LSM1: variants seen among roughly 807,000 people sequenced by gnomAD.
LSM1 encodes the protein U6 snRNA-associated Sm-like protein LSm1.
LSM1 carries 13 observed loss-of-function variants against 18.0 expected under a neutral mutation model. That is an observed-to-expected ratio of 0.72 (90% CI 0.47 to 1.15). The LOEUF (loss-of-function observed/expected upper bound fraction) is 1.15. Ranked by LOEUF, LSM1 falls within the 50% of genes most tolerant of loss-of-function variation. The pLI, the probability that LSM1 is intolerant of heterozygous loss-of-function variation, is 0.00. For missense variants in LSM1, 152 were observed against 157.7 expected, an observed-to-expected ratio of 0.96 and a Z score of 0.19; for synonymous variants, 46 against 56.0, an observed-to-expected ratio of 0.82 and a Z score of 0.80.
intron 2 of LSM1, among the ~76,000 whole-genome samples, chr8:38,171,667 A>AAAAAC (rs1406458311): frequency 9.2e-5 from 14 of 152,328 alleles, no homozygotes; most frequent in African/African-American, 2.2e-4. Context: ...CGTCTAAACA[A>AAAAAC]AAAACAAAAC....
At position 38,171,268 on chromosome 8, in the gene LSM1, C is replaced by T. The variant is rs11998075; in HGVS notation, c.115+697G>A. 7.5e-3 allele frequency among the ~76,000 whole-genome samples: 1,142 copies of T among 152,298 alleles called. 18 individuals carry two copies. Among genetic ancestry groups the T allele is most frequent in the African/African-American group, 0.026 (1,080 of 41,566 alleles). On this transcript the variant is annotated intron_variant, in intron 2 of 3. Transcript: ENST00000311351. Reference sequence around the variant, plus strand: ...CAGCCTTGGGCCGGGCACAATGGCTCGCGCCTATAATCTCAGCACTATGGG... The same window carrying T: ...CAGCCTTGGGCCGGGCACAATGGCTTGCGCCTATAATCTCAGCACTATGGG...
chr8:38,168,048 G>A (rs1209327869), intron 3 of LSM1, among the ~76,000 whole-genome samples: 2 of 150,652 alleles, frequency 1.3e-5, no homozygotes, highest in Non-Finnish European at 3.0e-5. Flanking sequence ...TGCAAGCTCC[G>A]CCTCCTGGGT....
At chr8:38,167,547 T>C (rs1411725730) in intron 3 of LSM1, among the ~76,000 whole-genome samples, 1 of 152,172 alleles carries the variant, frequency 6.6e-6, no homozygotes, top group Non-Finnish European at 1.5e-5. Flanking sequence ...TTTGGCCATG[T>C]TGCCCAGGCT....
rs1156237241 is a variant in LSM1 at position 38,163,736 on chromosome 8, C to G, written c.336G>C (p.Leu112Phe). Residue 112 changes from leucine to phenylalanine, a missense_variant, in exon 4 of 4, where the codon TTG becomes TTC. Transcript: ENST00000311351. ...CTCGGTCCTTCAGGGCCTGCACTTT[C>G]AACTTCTCTGCTTCCAGCTTGGTCT... ...EQQTKLEAEKLKVQALKDRGL... is the reference protein window; with the variant it reads ...EQQTKLEAEKFKVQALKDRGL... 9.3e-6 allele frequency: 15 copies of G among 1,614,068 alleles called. No individual in the cohort carries two copies. Among genetic ancestry groups the G allele is most frequent in the Non-Finnish European group, 1.2e-5 (14 of 1,180,042 alleles).
chr8:38,176,199 G>T, intron 1 of LSM1, 76 bp downstream of exon 1: 1 of 1,293,540 alleles, frequency 7.7e-7, no homozygotes, highest in Non-Finnish European at 1.1e-6. Flanking sequence ...CATTCTACAA[G>T]CTTCTTCGGA....
At position 38,176,411 on chromosome 8, in the gene LSM1, G is replaced by C. The variant is rs1181122476; in HGVS notation, c.-91C>G. The C allele has an allele frequency of 5.8e-6, 6 of 1,038,988 alleles. No homozygotes were observed. The highest frequency in any genetic ancestry group is 8.7e-6 in the Non-Finnish European group (6 of 693,504). The allele number at this position is 1,038,988 out of a possible 1,614,324, so 64.4% of individuals were successfully genotyped here. A position where few individuals can be genotyped will look rare whatever the true frequency, so the allele number is the denominator to read the frequency against. Reference sequence around the variant, plus strand: ...CCTACCGCAGTCGCCGCCTCGGTGGGACCAAGCCCGGAATCCCGACCGAGA... The same window carrying C: ...CCTACCGCAGTCGCCGCCTCGGTGGCACCAAGCCCGGAATCCCGACCGAGA... On this transcript the variant is annotated 5_prime_UTR_variant, in exon 1 of 4. Transcript: ENST00000311351.
chr8:38,171,729 C>T (rs1049893610), intron 2 of LSM1, among the ~76,000 whole-genome samples: 11 of 152,132 alleles, frequency 7.2e-5, no homozygotes, highest in Non-Finnish European at 1.6e-4. Context: ...TCATTTGGCT[C>T]CCCCTACTGG....
rs557413484 is a variant in LSM1, at chr8:38,163,594, G to A, written c.*76C>T. 7.4e-5 allele frequency: 97 copies of A among 1,303,544 alleles called. No individual in the cohort carries two copies. The highest frequency in any genetic ancestry group is 6.6e-4 in the South Asian group (51 of 77,342). 80.7% of individuals were successfully genotyped at this position (1,303,544 alleles called of 1,614,324 possible). On this transcript the variant is annotated 3_prime_UTR_variant, in exon 4 of 4. Transcript: ENST00000311351. ...AACTCTACAGTCTGTGATCAAATGC[G>A]TGAGGTGGCCAGGATGTCACTTTCA...
At chr8:38,171,234 A>G (rs1803023811) in intron 2 of LSM1, among the ~76,000 whole-genome samples, 1 of 152,232 alleles carries the variant, frequency 6.6e-6, no homozygotes, top group Non-Finnish European at 1.5e-5. Context: ...CTGCCAATGT[A>G]GAAATAAGCA....
chr8:38,168,789 TTTCATATAC>T (rs1463551102), intron 3 of LSM1, among the ~76,000 whole-genome samples: 1 of 152,050 alleles, frequency 6.6e-6, no homozygotes, highest in Non-Finnish European at 1.5e-5. Flanking sequence ...TATTCATATA[TTTCATATAC>T]TTCATATATT....
chr8:38,172,159 ATTGGAAAACTG>A, intron 1 of LSM1, 126 bp from the exon 2 acceptor site: 1 of 684,992 alleles, frequency 1.5e-6, no homozygotes, highest in Non-Finnish European at 2.5e-6. Flanking sequence ...GTTCAAGTTC[ATTGGAAAACTG>A]AAAAAAGCAG....
intron 2 of LSM1, 147 bp from the exon 3 acceptor site, chr8:38,170,064 C>T: frequency 2.0e-6 from 1 of 511,908 alleles, no homozygotes. Flanking sequence ...TTTTTTGAGA[C>T]CGAGTCTCGC....
At chr8:38,168,524 G>T (rs1451660402) in intron 3 of LSM1, among the ~76,000 whole-genome samples, 1 of 149,022 alleles carries the variant, frequency 6.7e-6, no homozygotes, top group South Asian at 2.1e-4. Flanking sequence ...CTGGGAGGCG[G>T]AAGTTGCAGT....
intron 3 of LSM1, among the ~76,000 whole-genome samples, chr8:38,167,427 G>A (rs1802952672): frequency 1.3e-5 from 2 of 152,026 alleles, no homozygotes; most frequent in South Asian, 2.1e-4. Context: ...CTGTAGCCTC[G>A]ACCTCCCTGA....
intron 1 of LSM1, 42 bp from the exon 2 acceptor site, chr8:38,172,075 G>A: frequency 7.5e-7 from 1 of 1,329,088 alleles, no homozygotes; most frequent in Non-Finnish European, 1.1e-6. Flanking sequence ...AAACTGACAA[G>A]TTCAGCGAGT....
At chr8:38,171,873 T>C (rs72643087) in intron 2 of LSM1, 92 bp downstream of exon 2, 10,332 of 918,390 alleles carry the variant, frequency 0.011, 99 homozygotes, top group Non-Finnish European at 0.015. Context: ...CGTGAAAAAG[T>C]TGCAGATAAA....
intron 3 of LSM1, among the ~76,000 whole-genome samples, chr8:38,168,405 A>G (rs902475502): frequency 6.6e-6 from 1 of 151,556 alleles, no homozygotes; most frequent in African/African-American, 2.4e-5. Flanking sequence ...AGCCTGGCCA[A>G]CATAGTGAAA....
chr8:38,172,037 G>A lies in LSM1; in HGVS notation c.47-4C>T, dbSNP rs1178966101. On this transcript the variant is annotated splice_polypyrimidine_tract_variant and splice_region_variant and intron_variant, in intron 1 of 3. Transcript: ENST00000311351. ...CGAAGCAGAACCAAGTGCTTTTCTG[G>A]GGAGAGAGGAAAAAATCTTTTAAAT... The A allele has an allele frequency of 6.2e-7, 1 of 1,600,832 alleles. No individual in the cohort carries two copies.
intron 3 of LSM1, among the ~76,000 whole-genome samples, chr8:38,167,437 A>T (rs1385552685): frequency 6.6e-6 from 1 of 152,114 alleles, no homozygotes; most frequent in African/African-American, 2.4e-5. Context: ...GACCTCCCTG[A>T]GCTCAGGTGA....
Sources: gnomAD v4.1 joint callset for allele counts (sites outside exome capture counted in the v4.1 genomes callset) on GRCh38, gnomAD v4.1.1 for gene constraint, MANE v1.5 for transcripts, NCBI Gene and HGNC (gene_info 2026-07-23, HGNC 2026-07-21) for gene names.